POU2F1: variants seen among roughly 807,000 people sequenced by gnomAD.
POU2F1 encodes POU class 2 homeobox 1.
POU2F1 carries 16 observed loss-of-function variants against 84.9 expected under a neutral mutation model. The observed-to-expected ratio is 0.19, with a 90% CI of 0.13 to 0.29. POU2F1 has a LOEUF of 0.29. Ranked by LOEUF, POU2F1 falls within the 10% of genes least tolerant of loss-of-function variation. The pLI is 1.00. For synonymous variants in POU2F1, 368 were observed against 368.3 expected (o/e 1.00, Z 0.01); for missense variants, 738 against 942.6 (o/e 0.78, Z 2.84).
At chr1:167,376,205 A>G (rs1395313161) in intron 7 of POU2F1, 50 bp downstream of exon 7, 1 of 1,576,200 alleles carries the variant, frequency 6.3e-7, no homozygotes, top group Non-Finnish European at 8.6e-7. Context: ...CTGTTCGCTG[A>G]ATGTTACACA....
intron 1 of POU2F1, among the ~76,000 whole-genome samples, chr1:167,294,594 T>C (rs993743137): frequency 1.3e-5 from 2 of 152,030 alleles, no homozygotes; most frequent in African/African-American, 4.8e-5. Context: ...AATAATTCCA[T>C]CAAAAAGTGA....
chr1:167,259,062 T>C (rs1284671403), intron 1 of POU2F1, among the ~76,000 whole-genome samples: 3 of 152,192 alleles, frequency 2.0e-5, no homozygotes, highest in African/African-American at 7.2e-5. Flanking sequence ...GGCTTACTCG[T>C]GTATCTATGA....
chr1:167,300,694 A>T (rs1044495958), intron 1 of POU2F1, among the ~76,000 whole-genome samples: 3 of 151,880 alleles, frequency 2.0e-5, no homozygotes, highest in Non-Finnish European at 4.4e-5. Context: ...CGATCTCTTG[A>T]CCTCGTGATC....
chr1:167,300,667 G>A (rs1345333699), intron 1 of POU2F1, among the ~76,000 whole-genome samples: 2 of 152,090 alleles, frequency 1.3e-5, no homozygotes, highest in African/African-American at 2.4e-5. Flanking sequence ...TTTTCACCAC[G>A]TTGGCCAGGA....
intron 12 of POU2F1, 96 bp from the exon 13 acceptor site, chr1:167,401,355 G>GTAGA: frequency 5.4e-6 from 4 of 734,904 alleles, no homozygotes; most frequent in Admixed American, 2.6e-5. Context: ...GATGTCAGGT[G>GTAGA]TCTCAATTCC....
chr1:167,270,182 C>A (rs1250851385), intron 1 of POU2F1, among the ~76,000 whole-genome samples: 2 of 151,946 alleles, frequency 1.3e-5, no homozygotes, highest in Admixed American at 1.3e-4. Context: ...TTTTAGTATT[C>A]CTATTTTTTT....
intron 8 of POU2F1, among the ~76,000 whole-genome samples, chr1:167,387,820 T>C (rs892687019): frequency 6.6e-6 from 1 of 152,142 alleles, no homozygotes; most frequent in African/African-American, 2.4e-5. Flanking sequence ...GATAAGAAAG[T>C]AGAGTATTTT....
At chr1:167,333,456 TATC>T (rs906332386) in intron 2 of POU2F1, among the ~76,000 whole-genome samples, 38 of 152,308 alleles carry the variant, frequency 2.5e-4, no homozygotes, top group African/African-American at 9.1e-4. Context: ...CCTTTTGACT[TATC>T]ATTTTAAAAA....
intron 4 of POU2F1, 97 bp from the exon 5 acceptor site, chr1:167,371,820 G>A: frequency 6.6e-7 from 1 of 1,517,488 alleles, no homozygotes; most frequent in Non-Finnish European, 9.1e-7. Context: ...GACTGAATAA[G>A]CTCATGTTTT....
At chr1:167,409,002 C>T (rs1357758296) in intron 13 of POU2F1, among the ~76,000 whole-genome samples, 7 of 152,164 alleles carry the variant, frequency 4.6e-5, no homozygotes, top group Admixed American at 4.6e-4. Context: ...CAGTCTGTGG[C>T]TTTTGAAGCG....
chr1:167,336,407 CTA>C lies in POU2F1; in HGVS notation c.127+3874_127+3875del, dbSNP rs1297329246. The stretch of plus-strand genomic sequence containing the variant: ...TGTATTGCAGTAAAAAGTGATCTCT[CTA>C]TGTCCTTGAGTATTTTGCATCCTGT... On this transcript the variant is annotated intron_variant, in intron 2 of 15. Transcript: ENST00000367866. 2.6e-5 allele frequency among the ~76,000 whole-genome samples: 4 copies of C among 152,190 alleles called. No individual in the cohort carries two copies. The East Asian group carries it at 7.7e-4, about 29-fold the overall frequency.
intron 2 of POU2F1, among the ~76,000 whole-genome samples, chr1:167,346,167 C>G (rs940420310): frequency 2.6e-5 from 4 of 151,654 alleles, no homozygotes; most frequent in African/African-American, 9.7e-5. Flanking sequence ...AGAGTGAGAC[C>G]CTGGATTTTT....
chr1:167,311,047 G>C (rs1655433596), intron 1 of POU2F1, among the ~76,000 whole-genome samples: 1 of 152,058 alleles, frequency 6.6e-6, no homozygotes, highest in African/African-American at 2.4e-5. Flanking sequence ...GAGAAAGAGG[G>C]TAGGGCTGAA....
intron 2 of POU2F1, among the ~76,000 whole-genome samples, chr1:167,359,614 C>T (rs1002254776): frequency 6.6e-6 from 1 of 152,168 alleles, no homozygotes; most frequent in African/African-American, 2.4e-5. Flanking sequence ...CATGTCTCTG[C>T]TGTTGTGAAT....
chr1:167,402,142 G>C (rs1418426303), intron 13 of POU2F1, among the ~76,000 whole-genome samples: 1 of 151,032 alleles, frequency 6.6e-6, no homozygotes, highest in Non-Finnish European at 1.5e-5. Context: ...TTTTTCCTTT[G>C]GCCTCTTTTA....
chr1:167,333,940 G>C (rs1483922966), intron 2 of POU2F1, among the ~76,000 whole-genome samples: 3 of 152,148 alleles, frequency 2.0e-5, no homozygotes, highest in Non-Finnish European at 4.4e-5. Flanking sequence ...TAAGAGACTA[G>C]AGGGTGGGGC....
intron 1 of POU2F1, among the ~76,000 whole-genome samples, chr1:167,310,874 T>G (rs543579383): frequency 1.6e-4 from 24 of 152,312 alleles, no homozygotes; most frequent in African/African-American, 5.5e-4. Flanking sequence ...TAAAACTCAC[T>G]GTGTAGGCTT....
intron 1 of POU2F1, among the ~76,000 whole-genome samples, chr1:167,287,120 A>G (rs1299922379): frequency 2.6e-5 from 4 of 152,190 alleles, no homozygotes; most frequent in Non-Finnish European, 5.9e-5. Context: ...CTCTTAGTAA[A>G]AGGGTAGGCT....
At chr1:167,392,354 CA>C (rs71572456) in intron 9 of POU2F1, among the ~76,000 whole-genome samples, 22,116 of 88,298 alleles carry the variant, frequency 0.25, 1,515 homozygotes, top group Non-Finnish European at 0.29. Flanking sequence ...GACTCTGTCT[CA>C]AAAAAAAAAA....
Sources: gnomAD v4.1 joint callset for allele counts (sites outside exome capture counted in the v4.1 genomes callset) on GRCh38, gnomAD v4.1.1 for gene constraint, MANE v1.5 for transcripts, NCBI Gene and HGNC (gene_info 2026-07-23, HGNC 2026-07-21) for gene names.